The following CNTNAP2 variants were observed in gnomAD, a reference collection of about 807,000 sequenced individuals.
CNTNAP2 encodes the protein contactin associated protein 2, also known as contactin-associated protein-like 2.
Under a neutral mutation model 155.2 loss-of-function variants are expected in CNTNAP2, and 98 were observed. That is an observed-to-expected ratio of 0.63 (90% CI 0.54 to 0.75). CNTNAP2 has a LOEUF of 0.75. Among genes scored for constraint, CNTNAP2 ranks in the 30% least tolerant of loss-of-function variants. CNTNAP2 has a pLI of 0.00. For missense variants in CNTNAP2, 1,727 were observed against 1,688.1 expected, an observed-to-expected ratio of 1.02 and a Z score of -0.40; for synonymous variants, 651 against 631.2, an observed-to-expected ratio of 1.03 and a Z score of -0.47.
At chr7:147,573,628 A>T (rs1368213199) in intron 12 of CNTNAP2, among the ~76,000 whole-genome samples, 2 of 152,116 alleles carry the variant, frequency 1.3e-5, no homozygotes, top group African/African-American at 4.8e-5. Context: ...GTAGAATCTG[A>T]TATCTTTTTG....
At chr7:146,824,064 G>A (rs1027771066) in intron 2 of CNTNAP2, among the ~76,000 whole-genome samples, 2 of 152,072 alleles carry the variant, frequency 1.3e-5, no homozygotes, top group Non-Finnish European at 2.9e-5. Flanking sequence ...AGGCCCTGGT[G>A]TGTGATGTTC....
rs148587747 is a variant in CNTNAP2 at position 147,145,343 on chromosome 7, G to T, written c.1348+12834G>T. Among the ~76,000 whole-genome samples the T allele has an allele frequency of 2.6e-5, 4 of 152,224 alleles. No homozygotes were observed. In the East Asian group the frequency reaches 7.8e-4, roughly 30 times the overall value. On this transcript the variant is annotated intron_variant, in intron 8 of 23. Transcript: ENST00000361727. ...TTGTTGGTTGTCACAGCTGGAGAGT[G>T]GGGGGTAGGATGCTACTGGCACACA...
intron 3 of CNTNAP2, among the ~76,000 whole-genome samples, chr7:146,841,887 C>CTTT (rs71929031): frequency 3.1e-4 from 45 of 145,912 alleles, no homozygotes; most frequent in African/African-American, 1.1e-3. Context: ...GTCTTGGAGT[C>CTTT]TTTTTTTTTT....
At chr7:146,380,403 A>AT (rs1011449149) in intron 1 of CNTNAP2, among the ~76,000 whole-genome samples, 76 of 152,096 alleles carry the variant, frequency 5.0e-4, no homozygotes, top group African/African-American at 1.6e-3. Flanking sequence ...ACTAGAAGTG[A>AT]TTTTTTTTCT....
intron 8 of CNTNAP2, among the ~76,000 whole-genome samples, chr7:147,187,484 C>T (rs961803876): frequency 6.6e-6 from 1 of 152,080 alleles, no homozygotes; most frequent in African/African-American, 2.4e-5. Context: ...AGCTGGAGGC[C>T]ATTATGCTAA....
intron 1 of CNTNAP2, among the ~76,000 whole-genome samples, chr7:146,595,640 T>G (rs1211614023): frequency 7.2e-5 from 11 of 152,054 alleles, no homozygotes; most frequent in Non-Finnish European, 1.6e-4. Context: ...TCAGGACACC[T>G]GCCAAGCAAG....
At chr7:147,636,430 TA>T (rs1795182013) in intron 12 of CNTNAP2, among the ~76,000 whole-genome samples, 1 of 151,462 alleles carries the variant, frequency 6.6e-6, no homozygotes, top group African/African-American at 2.4e-5. Context: ...TTTACTTTTT[TA>T]TTTTTTTATT....
In CNTNAP2 at chr7:147,504,460, G is replaced by A. The variant is rs369839049; in HGVS notation, c.1777+18419G>A. ...TCCCAGCACTTTGGGAGGCCGAGGC[G>A]GGAGGATCACTTGAGCCCAGGACTT... On this transcript the variant is annotated intron_variant, in intron 11 of 23. Transcript: ENST00000361727. 5.7e-4 allele frequency among the ~76,000 whole-genome samples: 86 copies of A among 152,106 alleles called. No homozygotes were observed. In the South Asian group the frequency reaches 0.013, roughly 24 times the overall value.
At chr7:146,443,213 C>CTAAA (rs1444417438) in intron 1 of CNTNAP2, among the ~76,000 whole-genome samples, 73 of 139,362 alleles carry the variant, frequency 5.2e-4, no homozygotes, top group African/African-American at 1.1e-3. Flanking sequence ...GACTCCGTCT[C>CTAAA]TAAATAAATA....
chr7:146,250,569 T>C (rs919248556), intron 1 of CNTNAP2, among the ~76,000 whole-genome samples: 4 of 152,164 alleles, frequency 2.6e-5, no homozygotes, highest in African/African-American at 9.6e-5. Flanking sequence ...CCCTTCAACC[T>C]GTCCCATGAC....
chr7:146,790,830 A>G (rs1272003298), intron 2 of CNTNAP2, among the ~76,000 whole-genome samples: 1 of 151,770 alleles, frequency 6.6e-6, no homozygotes, highest in East Asian at 1.9e-4. Flanking sequence ...CGGCCTCCCA[A>G]AGTGCTGGGA....
chr7:147,641,754 A>AAGCC (rs754448896), intron 13 of CNTNAP2, among the ~76,000 whole-genome samples: 2 of 152,100 alleles, frequency 1.3e-5, no homozygotes, highest in Non-Finnish European at 2.9e-5. Context: ...AGCCACCTGT[A>AAGCC]AGCCAGGAAG....
chr7:147,658,380 AG>A (rs908312390), intron 13 of CNTNAP2, among the ~76,000 whole-genome samples: 38 of 152,316 alleles, frequency 2.5e-4, no homozygotes, highest in African/African-American at 8.4e-4. Context: ...GCATAATCAC[AG>A]TCTGTGAGAC....
At chr7:147,633,101 A>C (rs1031941918) in intron 12 of CNTNAP2, among the ~76,000 whole-genome samples, 1 of 152,190 alleles carries the variant, frequency 6.6e-6, no homozygotes, top group African/African-American at 2.4e-5. Flanking sequence ...AGGAGGGAAA[A>C]ATCTTTTGTG....
intron 14 of CNTNAP2, among the ~76,000 whole-genome samples, chr7:147,927,706 C>G (rs1800421601): frequency 6.6e-6 from 1 of 152,112 alleles, no homozygotes; most frequent in South Asian, 2.1e-4. Flanking sequence ...AAAATAAATA[C>G]AGAAAAGTTC....
chr7:147,228,473 C>T (rs1803599831), intron 8 of CNTNAP2, among the ~76,000 whole-genome samples: 1 of 152,022 alleles, frequency 6.6e-6, no homozygotes, highest in Non-Finnish European at 1.5e-5. Context: ...GGAGCAAGGA[C>T]AATTAATCTT....
intron 3 of CNTNAP2, among the ~76,000 whole-genome samples, chr7:146,894,980 C>T (rs1016102405): frequency 7.9e-5 from 12 of 152,212 alleles, no homozygotes; most frequent in South Asian, 2.1e-4. Context: ...TTCTCCCAAC[C>T]ATTTGAAACT....
At chr7:146,569,023 T>C (rs1225109241) in intron 1 of CNTNAP2, among the ~76,000 whole-genome samples, 4 of 151,892 alleles carry the variant, frequency 2.6e-5, no homozygotes, top group Non-Finnish European at 5.9e-5. Flanking sequence ...TTTATTTATT[T>C]ATTTACTTTT....
intron 13 of CNTNAP2, among the ~76,000 whole-genome samples, chr7:147,832,542 T>G (rs948121136): frequency 8.9e-5 from 13 of 145,868 alleles, no homozygotes; most frequent in Non-Finnish European, 3.0e-5. Flanking sequence ...TTTTTATATT[T>G]CAATATATTA....
Sources: gnomAD v4.1 joint callset for allele counts (sites outside exome capture counted in the v4.1 genomes callset) on GRCh38, gnomAD v4.1.1 for gene constraint, MANE v1.5 for transcripts, NCBI Gene and HGNC (gene_info 2026-07-23, HGNC 2026-07-21) for gene names.